The following INSR variants were observed in gnomAD, a reference collection of about 807,000 sequenced individuals.
The protein encoded by INSR is insulin receptor.
A neutral mutation model predicts 142.6 loss-of-function variants in INSR; 67 were observed. The ratio of observed to expected loss-of-function variants is 0.47; its 90% CI spans 0.39 to 0.58. The LOEUF (loss-of-function observed/expected upper bound fraction) is 0.58. Among genes scored for constraint, INSR ranks in the 20% least tolerant of loss-of-function variants. The probability of loss-of-function intolerance (pLI) is 0.00; values close to 1 mark genes in which losing one functional copy is unlikely to be tolerated. For synonymous variants in INSR, 756 were observed against 743.1 expected (o/e 1.02, Z -0.28); for missense variants, 1,248 against 1,833.2 (o/e 0.68, Z 5.83).
chr19:7,129,921 T>G (rs1972735894), intron 14 of INSR, among the ~76,000 whole-genome samples: 1 of 152,064 alleles, frequency 6.6e-6, no homozygotes, highest in Non-Finnish European at 1.5e-5. Context: ...TATTTTTTTG[T>G]GGAGACAGAG....
In INSR at chr19:7,126,620, C is replaced by T. The variant is rs990440524; in HGVS notation, c.2977G>A (p.Ala993Thr). The change falls in exon 16 of 22, where the codon GCT becomes ACT. Residue 993 changes from alanine to threonine, a missense_variant. Transcript: ENST00000302850. ...QPDGPLGPLY[A>T]SSNPEYLSAS... ...CTGAGATACTCAGGGTTTGAAGAAG[C>T]GTAAAGCGGTCCCAGCGGCCCATCT... 12 of 1,565,758 alleles carry T rather than the reference C, an allele frequency of 7.7e-6. No homozygotes were observed. Among genetic ancestry groups the T allele is most frequent in the African/African-American group, 1.4e-5 (1 of 74,002 alleles).
intron 13 of INSR, among the ~76,000 whole-genome samples, chr19:7,140,272 G>A (rs572454634): frequency 7.9e-5 from 12 of 152,310 alleles, no homozygotes; most frequent in Admixed American, 5.9e-4. Flanking sequence ...ACATTTTGCT[G>A]TAATCTCTGT....
At chr19:7,153,231 C>CA (rs1973465735) in intron 9 of INSR, among the ~76,000 whole-genome samples, 1 of 1,862 alleles carries the variant, frequency 5.4e-4, no homozygotes, top group African/African-American at 1.1e-3. Flanking sequence ...ACGCACCACA[C>CA]ACACACCATA....
At chr19:7,160,768 C>T (rs1028147003) in intron 9 of INSR, among the ~76,000 whole-genome samples, 2 of 151,948 alleles carry the variant, frequency 1.3e-5, no homozygotes, top group African/African-American at 2.4e-5. Context: ...GAGGCTGAGA[C>T]GGGTGGATCA....
At chr19:7,259,397 G>T (rs977912503) in intron 2 of INSR, among the ~76,000 whole-genome samples, 3 of 152,046 alleles carry the variant, frequency 2.0e-5, no homozygotes, top group African/African-American at 7.2e-5. Context: ...TTAACCTCTC[G>T]AAGCCTTAGT....
In INSR at chr19:7,153,016, CA is replaced by C. The variant is rs1973424235; in HGVS notation, c.2030-90del. 10 of 521,610 alleles carry C rather than the reference CA, an allele frequency of 1.9e-5. 1 individual carries two copies. The highest frequency in any genetic ancestry group is 9.5e-5 in the South Asian group (5 of 52,432). The allele number at this position is 521,610 out of a possible 1,614,324, so 32.3% of individuals were successfully genotyped here. On this transcript the variant is annotated intron_variant, in intron 9 of 21. Transcript: ENST00000302850. ...ACACACCCCACACACACACACACCA[CA>C]CACACACACCACACACACACACACC...
At chr19:7,281,622 A>C (rs1182255529) in intron 1 of INSR, among the ~76,000 whole-genome samples, 1 of 152,054 alleles carries the variant, frequency 6.6e-6, no homozygotes, top group Non-Finnish European at 1.5e-5. Flanking sequence ...TCAGGGCTGC[A>C]ATGAGCCATA....
chr19:7,184,476 A>G lies in INSR; in HGVS notation c.814T>C (p.Tyr272His). 6.2e-7 allele frequency: 1 copy of G among 1,614,024 alleles called. No homozygotes were observed. Among genetic ancestry groups the G allele is most frequent in the Non-Finnish European group, 8.5e-7 (1 of 1,180,010 alleles). Residue 272 changes from tyrosine (Y) to histidine (H), a missense_variant, in exon 3 of 22, where the codon TAC becomes CAC. This residue lies in a region of INSR where 1,069 missense variants were observed against 1,654.0 expected (regional missense o/e 0.65). Transcript: ENST00000302850. The stretch of plus-strand genomic sequence containing the variant: ...CAGCGCCAGTCCTGGAAGTGGTAGT[A>G]CGGGGGCGGGCAGGTCTCCACACAC... ...GRCVETCPPP[Y>H]YHFQDWRCVN... is the part of the protein sequence containing the mutation.
chr19:7,137,267 T>A (rs1161498878), intron 13 of INSR, among the ~76,000 whole-genome samples: 4 of 145,592 alleles, frequency 2.7e-5, no homozygotes, highest in African/African-American at 2.6e-5. Context: ...GTTTCTAAAT[T>A]AAAAAAAAAA....
At position 7,200,321 on chromosome 19, in the gene INSR, C is replaced by T. The variant is rs563878873; in HGVS notation, c.653-15684G>A. On this transcript the variant is annotated intron_variant, in intron 2 of 21. Coordinates refer to ENST00000302850, the MANE Select transcript of INSR (RefSeq NM_000208.4). ...GTGTCAGGACTTACCTGCTGGATGA[C>T]GCCCAACTTTCCACCTTGGGCAACT... 2.0e-4 allele frequency among the ~76,000 whole-genome samples: 30 copies of T among 152,256 alleles called. No individual in the cohort carries two copies. In the East Asian group the frequency reaches 3.1e-3, roughly 16 times the overall value.
At chr19:7,280,736 C>A (rs1429204873) in intron 1 of INSR, among the ~76,000 whole-genome samples, 2 of 148,096 alleles carry the variant, frequency 1.4e-5, no homozygotes, top group African/African-American at 2.5e-5. Flanking sequence ...AAACAAAAAA[C>A]CCAAAAATTA....
chr19:7,278,597 G>A (rs1320391871), intron 1 of INSR, among the ~76,000 whole-genome samples: 7 of 152,258 alleles, frequency 4.6e-5, no homozygotes, highest in Non-Finnish European at 7.4e-5. Flanking sequence ...AGTGGCTCAC[G>A]CCTGTAATCC....
intron 1 of INSR, among the ~76,000 whole-genome samples, chr19:7,288,153 T>C (rs1968392194): frequency 1.3e-5 from 2 of 150,408 alleles, no homozygotes; most frequent in African/African-American, 4.9e-5. Context: ...GAACTAGGAG[T>C]TCAAGACCAG....
intron 1 of INSR, among the ~76,000 whole-genome samples, chr19:7,282,300 G>C (rs952869059): frequency 6.6e-6 from 1 of 151,746 alleles, no homozygotes; most frequent in African/African-American, 2.4e-5. Flanking sequence ...AGGAGGCAGA[G>C]GTTGCAGTGA....
chr19:7,180,022 C>A (rs1344966965), intron 3 of INSR, among the ~76,000 whole-genome samples: 1 of 152,160 alleles, frequency 6.6e-6, no homozygotes, highest in Non-Finnish European at 1.5e-5. Flanking sequence ...GGAGAGAGAC[C>A]CCCACTGACC....
chr19:7,293,862 C>A lies in INSR; in HGVS notation c.30G>T (p.Ala10=). The A allele has an allele frequency of 8.1e-7, 1 of 1,241,370 alleles. No homozygotes were observed. The highest frequency in any genetic ancestry group is 1.0e-6 in the Non-Finnish European group (1 of 999,006). 76.9% of individuals were successfully genotyped at this position (1,241,370 alleles called of 1,614,324 possible). The change falls in exon 1 of 22, where the codon GCG becomes GCT. Residue 10 remains alanine, a synonymous_variant. Transcript: ENST00000302850. ...CCACCGCCACCAGCAGCGGCGCGGC[C>A]GCCGCCCCCCGCCGGCCCCCGGTGG... MATGGRRGA[A]AAPLLVAVAA...
At chr19:7,117,971 A>G (rs1972379007) in intron 21 of INSR, among the ~76,000 whole-genome samples, 2 of 151,494 alleles carry the variant, frequency 1.3e-5, no homozygotes, top group Admixed American at 6.6e-5. Context: ...CAGTGGCGCA[A>G]TCATAGCTCA....
chr19:7,177,220 G>A (rs1321579423), intron 3 of INSR, among the ~76,000 whole-genome samples: 4 of 152,190 alleles, frequency 2.6e-5, no homozygotes, highest in African/African-American at 4.8e-5. Flanking sequence ...GGGGCTCAGA[G>A]GTGGTGGGTA....
intron 9 of INSR, among the ~76,000 whole-genome samples, chr19:7,153,271 C>A (rs372185756): frequency 7.0e-6 from 1 of 143,822 alleles, no homozygotes. Flanking sequence ...ACATGCACAC[C>A]TCACACACCA....
Sources: gnomAD v4.1 joint callset for allele counts (sites outside exome capture counted in the v4.1 genomes callset) on GRCh38, gnomAD v4.1.1 for gene constraint, gnomAD v4.1.1 regional missense constraint, MANE v1.5 for transcripts, NCBI Gene and HGNC (gene_info 2026-07-23, HGNC 2026-07-21) for gene names.